The following DGCR6L variants were observed in gnomAD, a reference collection of about 807,000 sequenced individuals.
The protein encoded by DGCR6L is protein DGCR6L.
DGCR6L carries 24 observed loss-of-function variants against 31.1 expected under a neutral mutation model. That is an observed-to-expected ratio of 0.77 (90% CI 0.56 to 1.08). The LOEUF is 1.08. DGCR6L is among the 50% of genes least tolerant of loss of function. DGCR6L has a pLI of 0.00. For missense variants in DGCR6L, 218 were observed against 287.1 expected (o/e 0.76, Z 1.74); for synonymous variants, 104 against 126.1 (o/e 0.82, Z 1.17).
chr22:20,316,078 C>G, intron 3 of DGCR6L, 41 bp downstream of exon 3: 2 of 1,558,010 alleles, frequency 1.3e-6, no homozygotes, highest in Non-Finnish European at 1.7e-6. Context: ...GTGGTGCCCA[C>G]AGGAGAGCTG....
chr22:20,316,248 C>T (rs190054026), intron 2 of DGCR6L, 29 bp from the exon 3 acceptor site: 247 of 1,568,108 alleles, frequency 1.6e-4, no homozygotes, highest in African/African-American at 5.3e-4. Flanking sequence ...CGTCAGCAGG[C>T]GGTGGGACTC....
intron 3 of DGCR6L, 35 bp from the exon 4 acceptor site, chr22:20,315,511 G>T: frequency 6.2e-7 from 1 of 1,605,152 alleles, no homozygotes; most frequent in Non-Finnish European, 8.5e-7. Context: ...GGGGAGAGGT[G>T]AGGGCAGCTC....
At position 20,319,791 on chromosome 22, in the gene DGCR6L, T is replaced by C. The variant is rs958208228; in HGVS notation, c.119A>G (p.Gln40Arg). 1 of 1,610,372 alleles carries C rather than the reference T, an allele frequency of 6.2e-7. No homozygotes were observed. Among genetic ancestry groups the C allele is most frequent in the Non-Finnish European group, 8.5e-7 (1 of 1,178,558 alleles). Residue 40 changes from glutamine to arginine, a missense_variant, in exon 2 of 5, where the codon CAG (glutamine) becomes CGG (arginine). This residue lies in a region of DGCR6L where 77 missense variants were observed against 71.2 expected (regional missense o/e 1.08). Coordinates refer to ENST00000248879, the MANE Select transcript of DGCR6L (RefSeq NM_033257.4). ...SLVKELPSSF[Q>R]QRLSYTTLSD... ...GAGCGTGGTGTAGGACAGGCGCTGC[T>C]GGAAAGAGCTGCGGGTAGGGGGGCG...
chr22:20,318,629 C>A (rs1313639949), intron 2 of DGCR6L: 3 of 152,132 alleles, frequency 2.0e-5, no homozygotes, highest in African/African-American at 7.2e-5. Context: ...CAGGAGACAC[C>A]CGGAACAGTT....
In DGCR6L at chr22:20,319,666, G is replaced by A. The variant is rs1474247510; in HGVS notation, c.244C>T (p.Arg82Cys). ...CGGTGCTCGTTCTGTAGGCGCAGGC[G>A]CTGGTTGTACAGGCTCTTTTCGGTG... is the stretch of plus-strand genomic sequence containing the variant. Reference protein sequence around the residue: ...HLTEKSLYNQRLRLQNEHRVL... With the variant: ...HLTEKSLYNQCLRLQNEHRVL... The change falls in exon 2 of 5, where the codon CGC becomes TGC. Residue 82 changes from arginine (R) to cysteine (C), a missense_variant. Arg to Cys is a radical substitution (Grantham distance 180). Coordinates refer to ENST00000248879, the MANE Select transcript of DGCR6L (RefSeq NM_033257.4). The A allele has an allele frequency of 5.0e-6, 8 of 1,611,628 alleles. No homozygotes were observed. The African/African-American group carries it at 6.7e-5, about 13-fold the overall frequency.
In DGCR6L at chr22:20,315,323, C is replaced by T. The variant is rs1184980996; in HGVS notation, c.513+13G>A. On this transcript the variant is annotated intron_variant, in intron 4 of 4. Coordinates refer to ENST00000248879, the MANE Select transcript of DGCR6L (RefSeq NM_033257.4). ...GGCACTCGGGCTAGGGCAGAGCAGGCCCAGGCACTGACCTGTGGGTTGGTG... is the reference window on the plus strand; with the variant it reads ...GGCACTCGGGCTAGGGCAGAGCAGGTCCAGGCACTGACCTGTGGGTTGGTG... 1.2e-6 allele frequency: 2 copies of T among 1,609,998 alleles called. No homozygotes were observed. The highest frequency in any genetic ancestry group is 1.1e-5 in the South Asian group (1 of 90,524).
At chr22:20,315,844 C>T (rs2051567142) in intron 3 of DGCR6L, among the ~76,000 whole-genome samples, 2 of 152,186 alleles carry the variant, frequency 1.3e-5, no homozygotes, top group South Asian at 2.1e-4. Context: ...TTTGTACCCC[C>T]CTGAGGCCAC....
intron 3 of DGCR6L, among the ~76,000 whole-genome samples, chr22:20,315,706 A>G (rs963746411): frequency 1.3e-5 from 2 of 152,142 alleles, no homozygotes; most frequent in Non-Finnish European, 2.9e-5. Context: ...CTGCCTTAGG[A>G]CCACACACAC....
At chr22:20,315,295 CG>C in intron 4 of DGCR6L, 40 bp downstream of exon 4, 1 of 1,587,670 alleles carries the variant, frequency 6.3e-7, no homozygotes, top group Non-Finnish European at 8.6e-7. Flanking sequence ...AATGGGGCCC[CG>C]GGGCACTCGG....
In DGCR6L at chr22:20,316,560, C is replaced by G. The variant is rs73396062; in HGVS notation, c.272-341G>C. On this transcript the variant is annotated intron_variant, in intron 2 of 4. Transcript: ENST00000248879. ...GAGGGCTTCAGGGCCCCCATGGCCA[C>G]AGGCCATGAGACATCTACTCAAGTG... Among the ~76,000 whole-genome samples, 1,128 of 152,330 alleles carry G rather than the reference C, an allele frequency of 7.4e-3. 14 individuals carry two copies. Among genetic ancestry groups the G allele is most frequent in the African/African-American group, 0.026 (1,077 of 41,588 alleles).
Position 20,314,770 on chromosome 22 carries a change from C to T in DGCR6L, c.568G>A (p.Gly190Ser), listed in dbSNP as rs2051559068. 6.2e-7 allele frequency: 1 copy of T among 1,612,320 alleles called. No individual in the cohort carries two copies. Among genetic ancestry groups the T allele is most frequent in the Admixed American group, 1.7e-5 (1 of 59,998 alleles). The change falls in exon 5 of 5, where the codon GGC (glycine) becomes AGC (serine). Residue 190 changes from glycine (G) to serine (S), a missense_variant. Transcript: ENST00000248879. ...AGGGCTGCATTCCCTGCCCGGCAGC[C>T]CCTCTGCTGCAGCTTTCGGATGAGT... ...LELIRKLQQR[G>S]CRAGNAALGL...
chr22:20,316,261 C>A, intron 2 of DGCR6L, 42 bp from the exon 3 acceptor site: 1 of 1,557,398 alleles, frequency 6.4e-7, no homozygotes, highest in South Asian at 1.2e-5. Flanking sequence ...TGGGACTCGG[C>A]AGCAGCCCTC....
Position 20,314,541 on chromosome 22 carries a change from C to A in DGCR6L, c.*134G>T, listed in dbSNP as rs2051556494. 6 of 1,263,330 alleles carry A rather than the reference C, an allele frequency of 4.7e-6. No individual in the cohort carries two copies. In the South Asian group the frequency reaches 9.5e-5, roughly 20 times the overall value. The allele number at this position is 1,263,330 out of a possible 1,614,324, so 78.3% of individuals were successfully genotyped here. The stretch of plus-strand genomic sequence containing the variant: ...ACTATCCTAGGGTTTGACAGCAAGT[C>A]CCAGATGAAGGGTGACAGGCAGCTG... On this transcript the variant is annotated 3_prime_UTR_variant, in exon 5 of 5. Transcript: ENST00000248879.
At position 20,316,132 on chromosome 22, in the gene DGCR6L, T is replaced by C; in HGVS notation, c.359A>G (p.Gln120Arg). 4 of 1,610,696 alleles carry C rather than the reference T, an allele frequency of 2.5e-6. No individual in the cohort carries two copies. Among genetic ancestry groups the C allele is most frequent in the Middle Eastern group, 1.8e-4 (1 of 5,634 alleles). Residue 120 changes from glutamine (Q) to arginine (R), a missense_variant, in exon 3 of 5, where the codon CAG (glutamine) becomes CGG (arginine). Around this residue, in one of 4 missense-constraint regions of DGCR6L, gnomAD observed 78 missense variants for 90.0 expected, o/e 0.87. Transcript: ENST00000248879. ...CGCCCCCAGTACCTCTAGTTCTCGC[T>C]GCTGAGCCGCCTGAACCACAGGCAG... ...HNLPVVQAAQ[Q>R]RELEAVEHRI...
At chr22:20,319,354 A>T (rs2051590904) in intron 2 of DGCR6L, among the ~76,000 whole-genome samples, 1 of 152,254 alleles carries the variant, frequency 6.6e-6, no homozygotes, top group African/African-American at 2.4e-5. Context: ...CCAATCAGGC[A>T]CCGAGGCCTA....
intron 2 of DGCR6L, among the ~76,000 whole-genome samples, chr22:20,317,738 G>A (rs566449967): frequency 3.3e-5 from 5 of 152,368 alleles, no homozygotes; most frequent in Admixed American, 6.5e-5. Flanking sequence ...ATGATGGGGC[G>A]GCATCTAAAG....
rs140744140 is a variant in DGCR6L, at chr22:20,315,366, C to T, written c.483G>A (p.Val161=). The change falls in exon 4 of 5, where the codon GTG becomes GTA. Residue 161 remains valine, a synonymous_variant. Coordinates refer to ENST00000248879, the MANE Select transcript of DGCR6L (RefSeq NM_033257.4). ...GGTTGGTGGTCACGTAGAAGCCAGC[C>T]ACCCCCGCCTTCTCCAGTGTGCTCT... ...DQQSTLEKAG[V]AGFYVTTNPQ... 6.2e-7 allele frequency: 1 copy of T among 1,613,854 alleles called. No homozygotes were observed. Among genetic ancestry groups the T allele is most frequent in the African/African-American group, 1.3e-5 (1 of 75,054 alleles).
rs554076042 is a variant in DGCR6L at position 20,319,976 on chromosome 22, C to T, written c.13G>A (p.Ala5Thr). ...TCCGCCACCTCCTCCAAGGCGGCCG[C>T]GTAGCGCTCCATGGCGCGGACGCCC... MERY[A>T]AALEEVADGA... The change falls in exon 1 of 5, where the codon GCG becomes ACG. Residue 5 changes from alanine (A) to threonine (T), a missense_variant. Around this residue, in one of 4 missense-constraint regions of DGCR6L, gnomAD observed 77 missense variants for 71.2 expected, o/e 1.08. Transcript: ENST00000248879. 5.5e-5 allele frequency: 87 copies of T among 1,594,918 alleles called. 1 individual carries two copies. In the South Asian group the frequency reaches 8.8e-4, roughly 16 times the overall value.
chr22:20,316,278 G>A (rs2146017461), intron 2 of DGCR6L, 59 bp from the exon 3 acceptor site: 2 of 1,550,306 alleles, frequency 1.3e-6, no homozygotes, highest in East Asian at 4.8e-5. Flanking sequence ...CCTCACCCAT[G>A]GGCACCTGCC....
Sources: allele counts gnomAD v4.1 joint callset (sites outside exome capture counted in the v4.1 genomes callset), GRCh38; gene constraint gnomAD v4.1.1; regional missense constraint gnomAD v4.1.1; transcripts MANE v1.5; gene names NCBI Gene and HGNC (gene_info 2026-07-23, HGNC 2026-07-21).